The following AMOTL1 variants were observed in gnomAD, a reference collection of about 807,000 sequenced individuals.
AMOTL1 encodes angiomotin-like protein 1.
AMOTL1 carries 45 observed loss-of-function variants against 102.9 expected under a neutral mutation model. The observed-to-expected ratio is 0.44, with a 90% CI of 0.34 to 0.56. The LOEUF (loss-of-function observed/expected upper bound fraction) is 0.56, where lower values mean the gene tolerates loss of function less well. Among genes scored for constraint, AMOTL1 ranks in the 20% least tolerant of loss-of-function variants. AMOTL1 has a pLI of 0.01. For synonymous variants in AMOTL1, 481 were observed against 484.7 expected (o/e 0.99, Z 0.10); for missense variants, 1,114 against 1,225.6 (o/e 0.91, Z 1.36).
At chr11:94,781,571 C>A (rs1951113047) in intron 1 of AMOTL1, among the ~76,000 whole-genome samples, 1 of 152,190 alleles carries the variant, frequency 6.6e-6, no homozygotes, top group African/African-American at 2.4e-5. Context: ...GGTGCGGTGG[C>A]TCACGCCTGT....
Position 94,829,062 on chromosome 11 carries a change from A to G in AMOTL1, c.1414-988A>G, listed in dbSNP as rs560044986. Among the ~76,000 whole-genome samples the G allele has an allele frequency of 3.6e-4, 55 of 152,306 alleles. No individual in the cohort carries two copies. The Middle Eastern group carries it at 0.01, about 28-fold the overall frequency. ...TCCTGTTAGAATAGAGCTATTTGTT[A>G]TCAATTTATATGTGCCGTAGATTAA... On this transcript the variant is annotated intron_variant, in intron 4 of 12. Coordinates refer to ENST00000433060, the MANE Select transcript of AMOTL1 (RefSeq NM_130847.3).
intron 1 of AMOTL1, among the ~76,000 whole-genome samples, chr11:94,708,156 TC>T (rs1446513068): frequency 1.3e-5 from 2 of 152,090 alleles, no homozygotes; most frequent in African/African-American, 4.8e-5. Flanking sequence ...CCTTAGCTCG[TC>T]CCCCCTGCTA....
At chr11:94,788,206 A>G (rs2135546514) in intron 1 of AMOTL1, among the ~76,000 whole-genome samples, 1 of 152,286 alleles carries the variant, frequency 6.6e-6, no homozygotes, top group East Asian at 1.9e-4. Flanking sequence ...CATTGAAAGG[A>G]TTTACTTAGG....
chr11:94,787,283 A>G (rs1951205407), intron 1 of AMOTL1, among the ~76,000 whole-genome samples: 1 of 152,098 alleles, frequency 6.6e-6, no homozygotes, highest in Non-Finnish European at 1.5e-5. Flanking sequence ...GTAAGGGTAG[A>G]CAGGCCCTCT....
chr11:94,729,229 A>C (rs1386993502), intron 2 of AMOTL1, among the ~76,000 whole-genome samples: 2 of 152,162 alleles, frequency 1.3e-5, no homozygotes, highest in Non-Finnish European at 2.9e-5. Flanking sequence ...CAGATACCGA[A>C]TTCACTATTT....
chr11:94,744,577 G>C (rs746640138), intron 3 of AMOTL1, among the ~76,000 whole-genome samples: 4 of 152,200 alleles, frequency 2.6e-5, no homozygotes, highest in Non-Finnish European at 5.9e-5. Context: ...AGGGTGGAGG[G>C]GTAGTAGGTG....
In AMOTL1 at chr11:94,799,703, G is replaced by A; in HGVS notation, c.513G>A (p.Val171=). The A allele has an allele frequency of 6.2e-7, 1 of 1,613,916 alleles. No individual in the cohort carries two copies. The highest frequency in any genetic ancestry group is 1.7e-5 in the Admixed American group (1 of 60,022). Residue 171 remains valine, a synonymous_variant, in exon 3 of 13, where the codon GTG becomes GTA. Transcript: ENST00000433060. This position sits in a 1 kb window ranked among gnomAD's most constrained non-coding sequence, Gnocchi z 4.5. ...QGQEHQVDNT[V]MEKQVRSTQP... Reference sequence around the variant, plus strand: ...AAGAACACCAGGTGGACAATACGGTGATGGAGAAACAGGTCCGGTCCACGC... The same window carrying A: ...AAGAACACCAGGTGGACAATACGGTAATGGAGAAACAGGTCCGGTCCACGC...
chr11:94,854,082 G>C lies in AMOTL1; in HGVS notation c.1944G>C (p.Gln648His). 6.5e-7 allele frequency: 1 copy of C among 1,541,296 alleles called. No individual in the cohort carries two copies. The highest frequency in any genetic ancestry group is 8.8e-7 in the Non-Finnish European group (1 of 1,140,536). Residue 648 changes from glutamine (Q) to histidine (H), a missense_variant and splice_region_variant, in exon 8 of 13, where the codon CAG becomes CAC. Transcript: ENST00000433060. ...ERELDALRTQ[Q>H]KHGNGQPANM... Reference sequence around the variant, plus strand: ...AGCTGGATGCACTGAGAACCCAGCAGGTAAGGAACTGGGCATGGACTGGTG... The same window carrying C: ...AGCTGGATGCACTGAGAACCCAGCACGTAAGGAACTGGGCATGGACTGGTG...
intron 5 of AMOTL1, among the ~76,000 whole-genome samples, chr11:94,830,661 A>T (rs1211231997): frequency 2.0e-5 from 3 of 152,218 alleles, no homozygotes; most frequent in Non-Finnish European, 2.9e-5. Flanking sequence ...GGGGGGAAAA[A>T]GTCCCCACAG....
Position 94,870,801 on chromosome 11 carries a change from A to G in AMOTL1, c.*6A>G, listed in dbSNP as rs1254811647. 1.9e-6 allele frequency: 3 copies of G among 1,583,040 alleles called. No individual in the cohort carries two copies. Among genetic ancestry groups the G allele is most frequent in the Non-Finnish European group, 2.6e-6 (3 of 1,162,042 alleles). ...TGATGGAAGTCCTCATCTAACTGCCATCCCTGTGGAATTTCAGTACAGAAC... is the reference window on the plus strand; with the variant it reads ...TGATGGAAGTCCTCATCTAACTGCCGTCCCTGTGGAATTTCAGTACAGAAC... On this transcript the variant is annotated 3_prime_UTR_variant, in exon 13 of 13. Coordinates refer to ENST00000433060, the MANE Select transcript of AMOTL1 (RefSeq NM_130847.3).
rs59563004 is a variant in AMOTL1, at chr11:94,787,687, CAAAAAAAAAAAAAAAAAAAAAAAAA to C, written c.50-7308_50-7284del. On this transcript the variant is annotated intron_variant, in intron 1 of 12. Coordinates refer to ENST00000433060, the MANE Select transcript of AMOTL1 (RefSeq NM_130847.3). ...TGGGCGACAGAGCGAAACTCCGTCT[CAAAAAAAAAAAAAAAAAAAAAAAAA>C]AAAAAAAAAAAAAAAGATACAAAAC... 2.1e-3 allele frequency among the ~76,000 whole-genome samples: 118 copies of C among 57,546 alleles called. 2 individuals are homozygous for C. Among genetic ancestry groups the C allele is most frequent in the African/African-American group, 8.9e-3 (110 of 12,294 alleles). The allele number at this position is 57,546 out of a possible 152,430, so 37.8% of individuals were successfully genotyped here.
intron 2 of AMOTL1, chr11:94,740,909 A>T (rs899716860): frequency 1.0e-5 from 13 of 1,288,118 alleles, no homozygotes; most frequent in African/African-American, 1.5e-5. Context: ...TAGCGATTCG[A>T]GTTGTTTTCT....
At chr11:94,719,335 TG>T (rs1950141995) in intron 1 of AMOTL1, among the ~76,000 whole-genome samples, 1 of 152,026 alleles carries the variant, frequency 6.6e-6, no homozygotes, top group Non-Finnish European at 1.5e-5. Flanking sequence ...TTATCGAAAA[TG>T]TCTAGGCTAG....
At chr11:94,839,506 C>T (rs1489325774) in intron 6 of AMOTL1, among the ~76,000 whole-genome samples, 1 of 152,142 alleles carries the variant, frequency 6.6e-6, no homozygotes, top group South Asian at 2.1e-4. Flanking sequence ...ATTCTGGAGC[C>T]CAAACTTATA....
At chr11:94,831,426 T>C (rs531277612) in intron 5 of AMOTL1, 26 bp from the exon 6 acceptor site, 87 of 1,568,238 alleles carry the variant, frequency 5.5e-5, no homozygotes, top group Non-Finnish European at 7.1e-5. Flanking sequence ...TACATTTCTT[T>C]GTAATCATTT....
chr11:94,795,926 T>C, intron 2 of AMOTL1, among the ~76,000 whole-genome samples: 1 of 152,232 alleles, frequency 6.6e-6, no homozygotes, highest in East Asian at 1.9e-4. Context: ...CTCTTTACTT[T>C]CGTAACCCCA....
At chr11:94,813,188 G>A (rs1421983024) in intron 3 of AMOTL1, among the ~76,000 whole-genome samples, 2 of 152,202 alleles carry the variant, frequency 1.3e-5, no homozygotes, top group Non-Finnish European at 2.9e-5. Context: ...CCTAACAGCT[G>A]AATGTCAAAC....
intron 4 of AMOTL1, among the ~76,000 whole-genome samples, chr11:94,825,463 C>T (rs1342367334): frequency 1.3e-5 from 2 of 152,182 alleles, no homozygotes; most frequent in African/African-American, 2.4e-5. Flanking sequence ...ACAACAGTGC[C>T]AGTGGAAGTC....
At chr11:94,726,145 C>A (rs1192341116) in intron 1 of AMOTL1, among the ~76,000 whole-genome samples, 1 of 152,160 alleles carries the variant, frequency 6.6e-6, no homozygotes, top group Non-Finnish European at 1.5e-5. Context: ...CTGGCTTGGG[C>A]AGCTGGGTAG....
Sources: gnomAD v4.1 joint callset for allele counts (sites outside exome capture counted in the v4.1 genomes callset) on GRCh38, gnomAD v4.1.1 for gene constraint, Gnocchi (gnomAD v3.1) non-coding constraint, MANE v1.5 for transcripts, NCBI Gene and HGNC (gene_info 2026-07-23, HGNC 2026-07-21) for gene names.